The following DIAPH2 variants were observed in gnomAD, a reference collection of about 807,000 sequenced individuals.
The protein encoded by DIAPH2 is protein diaphanous homolog 2.
Under a neutral mutation model 92.7 loss-of-function variants are expected in DIAPH2, and 35 were observed. That is an observed-to-expected ratio of 0.38 (90% CI 0.29 to 0.50). The LOEUF (loss-of-function observed/expected upper bound fraction) is 0.50. Ranked by LOEUF, DIAPH2 falls within the 20% of genes least tolerant of loss-of-function variation. The pLI is 0.94. For synonymous variants in DIAPH2, 301 were observed against 280.4 expected, an observed-to-expected ratio of 1.07 and a Z score of -0.73; for missense variants, 701 against 819.5, an observed-to-expected ratio of 0.86 and a Z score of 1.77.
At chrX:96,897,135 T>A (rs2065350353) in intron 5 of DIAPH2, among the ~76,000 whole-genome samples, 1 of 111,597 alleles carries the variant, frequency 9.0e-6, no homozygotes, top group Non-Finnish European at 1.9e-5. Flanking sequence ...CAATATATTG[T>A]ATACTTGAAA....
intron 26 of DIAPH2, among the ~76,000 whole-genome samples, chrX:97,576,926 C>A (rs1400010448): frequency 9.0e-6 from 1 of 111,401 alleles, no homozygotes; most frequent in Non-Finnish European, 1.9e-5. Context: ...TATTTTGCGA[C>A]TAATGTTCAG....
At chrX:97,065,119 CTTTG>C (rs2066625673) in intron 17 of DIAPH2, among the ~76,000 whole-genome samples, 1 of 111,302 alleles carries the variant, frequency 9.0e-6, no homozygotes, top group Admixed American at 9.7e-5. Flanking sequence ...TTTCTTAGTA[CTTTG>C]TTTGATGCAC....
intron 22 of DIAPH2, among the ~76,000 whole-genome samples, chrX:97,185,488 T>TATATAC (rs2067593583): frequency 2.7e-5 from 1 of 37,568 alleles, no homozygotes; most frequent in African/African-American, 1.8e-4. Context: ...TATATATATA[T>TATATAC]ATATATATAT....
intron 22 of DIAPH2, among the ~76,000 whole-genome samples, chrX:97,185,134 C>CA (rs1305141618): frequency 1.5e-4 from 14 of 95,489 alleles, no homozygotes; most frequent in Non-Finnish European, 1.9e-4. Flanking sequence ...TTTAAAAAAA[C>CA]AAAAAAAAAG....
intron 22 of DIAPH2, among the ~76,000 whole-genome samples, chrX:97,221,029 G>A (rs780644681): frequency 2.7e-5 from 3 of 111,008 alleles, no homozygotes; most frequent in South Asian, 3.8e-4. Flanking sequence ...ACAGTTCATT[G>A]GATTTTGTTG....
rs769779823 is a variant in DIAPH2 at position 97,021,276 on chromosome X, C to T, written c.2051-51665C>T. ...GCAGTGGCACGATTACAGCTCACTG[C>T]AAGCCTTGACCTCCTGGGCTCAGGT... On this transcript the variant is annotated intron_variant, in intron 17 of 26. Coordinates refer to ENST00000324765, the MANE Select transcript of DIAPH2 (RefSeq NM_006729.5). Among the ~76,000 whole-genome samples, 3 of 111,691 alleles carry T rather than the reference C, an allele frequency of 2.7e-5. No homozygotes were observed. The East Asian group carries it at 8.4e-4, about 31-fold the overall frequency.
intron 23 of DIAPH2, among the ~76,000 whole-genome samples, chrX:97,332,384 T>C (rs755132413): frequency 5.4e-5 from 6 of 111,888 alleles, no homozygotes; most frequent in Non-Finnish European, 7.5e-5. Context: ...TTGGCTCTTA[T>C]CTTTATTAGT....
At chrX:96,960,498 TG>T (rs1278039886) in intron 16 of DIAPH2, among the ~76,000 whole-genome samples, 1 of 111,375 alleles carries the variant, frequency 9.0e-6, no homozygotes, top group Non-Finnish European at 1.9e-5. Context: ...ATGAGTTTTT[TG>T]TGGGGTGTTT....
chrX:97,012,240 TCA>T (rs2066232252), intron 17 of DIAPH2, among the ~76,000 whole-genome samples: 1 of 112,106 alleles, frequency 8.9e-6, no homozygotes. Context: ...ACCTCAATGA[TCA>T]CAAGATAATA....
chrX:97,568,689 A>G (rs2071344485), intron 26 of DIAPH2, among the ~76,000 whole-genome samples: 1 of 112,002 alleles, frequency 8.9e-6, no homozygotes, highest in East Asian at 2.8e-4. Flanking sequence ...AGGAGAAAGG[A>G]AATTTCCTAG....
At chrX:97,062,422 C>A (rs2066605299) in intron 17 of DIAPH2, among the ~76,000 whole-genome samples, 1 of 111,680 alleles carries the variant, frequency 9.0e-6, no homozygotes, top group Admixed American at 9.5e-5. Flanking sequence ...GGTACAGGTC[C>A]TGAGGCCCTA....
intron 22 of DIAPH2, among the ~76,000 whole-genome samples, chrX:97,185,649 C>A (rs770166486): frequency 9.9e-6 from 1 of 100,789 alleles, no homozygotes; most frequent in East Asian, 3.2e-4. Context: ...GAAGCACTTT[C>A]CATTTTGTTT....
At chrX:96,814,984 G>T (rs1189717281) in intron 4 of DIAPH2, among the ~76,000 whole-genome samples, 1 of 112,082 alleles carries the variant, frequency 8.9e-6, no homozygotes, top group Non-Finnish European at 1.9e-5. Context: ...GCTACACGGG[G>T]GTCAGGGACC....
intron 22 of DIAPH2, among the ~76,000 whole-genome samples, chrX:97,217,435 C>G (rs926552213): frequency 8.1e-5 from 9 of 111,318 alleles, no homozygotes; most frequent in African/African-American, 2.6e-4. Context: ...AACCTGCCAC[C>G]CTCATGATCA....
chrX:97,313,400 C>A (rs2068813704), intron 23 of DIAPH2, among the ~76,000 whole-genome samples: 1 of 111,558 alleles, frequency 9.0e-6, no homozygotes, highest in Non-Finnish European at 1.9e-5. Context: ...AACTTTATAT[C>A]TTTTATATAA....
chrX:97,169,275 A>G (rs2067434585), intron 22 of DIAPH2, among the ~76,000 whole-genome samples: 2 of 111,804 alleles, frequency 1.8e-5, no homozygotes, highest in South Asian at 7.6e-4. Context: ...GAAGCGTATT[A>G]GGAGATCTGG....
chrX:97,332,775 T>C (rs1310962391), intron 23 of DIAPH2, among the ~76,000 whole-genome samples: 1 of 111,538 alleles, frequency 9.0e-6, no homozygotes, highest in East Asian at 2.8e-4. Context: ...TCACAAAGAC[T>C]GCACAATATA....
rs750935498 is a variant in DIAPH2 at position 97,299,954 on chromosome X, G to A, written c.2845-48162G>A. 3.6e-5 allele frequency among the ~76,000 whole-genome samples: 4 copies of A among 111,868 alleles called. No individual in the cohort carries two copies. The South Asian group carries it at 1.5e-3, about 41-fold the overall frequency. On this transcript the variant is annotated intron_variant, in intron 23 of 26. Coordinates refer to ENST00000324765, the MANE Select transcript of DIAPH2 (RefSeq NM_006729.5). ...TTTTCTCTTTGTCTAAATCCTAGCT[G>A]ATATTTGTTTATTGCACCCCTTTCT...
At chrX:96,924,810 A>G (rs940149251) in intron 9 of DIAPH2, among the ~76,000 whole-genome samples, 14 of 110,140 alleles carry the variant, frequency 1.3e-4, no homozygotes, top group African/African-American at 4.6e-4. Flanking sequence ...TCTTATGAGA[A>G]CTCACTGAGT....
Sources: gnomAD v4.1 joint callset for allele counts (sites outside exome capture counted in the v4.1 genomes callset) on GRCh38, gnomAD v4.1.1 for gene constraint, MANE v1.5 for transcripts, NCBI Gene and HGNC (gene_info 2026-07-23, HGNC 2026-07-21) for gene names.